SEPTIN2: variants seen among roughly 807,000 people sequenced by gnomAD.
The protein encoded by SEPTIN2 is septin-2.
A neutral mutation model predicts 46.5 loss-of-function variants in SEPTIN2; 34 were observed. The observed-to-expected ratio is 0.73, with a 90% confidence interval of 0.56 to 0.97. The LOEUF (loss-of-function observed/expected upper bound fraction) is 0.97, where lower values mean the gene tolerates loss of function less well. Among genes scored for constraint, SEPTIN2 ranks in the 50% least tolerant of loss-of-function variants. SEPTIN2 has a pLI of 0.00. For missense variants in SEPTIN2, 347 were observed against 448.4 expected (o/e 0.77, Z 2.04); for synonymous variants, 175 against 153.4 (o/e 1.14, Z -1.04).
intron 3 of SEPTIN2, among the ~76,000 whole-genome samples, chr2:241,333,410 A>G (rs1028634695): frequency 2.6e-5 from 4 of 152,230 alleles, no homozygotes; most frequent in African/African-American, 9.6e-5. Flanking sequence ...TTACACTCAT[A>G]TTTAGGCATG....
At chr2:241,350,287 C>T in intron 12 of SEPTIN2, 84 bp downstream of exon 12, 1 of 703,436 alleles carries the variant, frequency 1.4e-6, no homozygotes, top group Non-Finnish European at 2.2e-6. Context: ...CTCCTTAAGC[C>T]TCATTAATAT....
rs2077913173 is a variant in SEPTIN2, at chr2:241,326,075, C to G, written c.92C>G (p.Ser31Ter). The G allele has an allele frequency of 6.2e-7, 1 of 1,613,288 alleles. No homozygotes were observed. The highest frequency in any genetic ancestry group is 8.5e-7 in the Non-Finnish European group (1 of 1,179,720). ...CTCCCCAATCAAGTTCACCGAAAAT[C>G]AGTGAAAAAAGGTTTTGAGTTCACA... Reference protein sequence around the residue: ...ANLPNQVHRKSVKKGFEFTLM... With the variant: ...ANLPNQVHRK Residue 31 changes from serine (S) to a stop codon, truncating the protein, a stop_gained, in exon 3 of 13, where the codon TCA becomes TGA. Transcript: ENST00000391971. LOFTEE classifies it high-confidence loss of function.
chr2:241,318,170 G>A (rs529464175), intron 1 of SEPTIN2: 1 of 151,932 alleles, frequency 6.6e-6, no homozygotes, highest in East Asian at 1.9e-4. Flanking sequence ...ACTTGGTAAA[G>A]TCAAAGCAAA....
intron 1 of SEPTIN2, among the ~76,000 whole-genome samples, chr2:241,319,492 G>A (rs562475951): frequency 3.9e-5 from 6 of 152,332 alleles, no homozygotes; most frequent in African/African-American, 7.2e-5. Context: ...CATTCCTGCC[G>A]AATTATCGGT....
chr2:241,319,225 A>G (rs1224444132), intron 1 of SEPTIN2, among the ~76,000 whole-genome samples: 1 of 152,206 alleles, frequency 6.6e-6, no homozygotes, highest in Non-Finnish European at 1.5e-5. Context: ...GCTATGTGTA[A>G]TGGTTTGTCA....
intron 5 of SEPTIN2, 115 bp downstream of exon 5, chr2:241,336,213 C>T (rs2079954535): frequency 1.9e-6 from 2 of 1,064,212 alleles, no homozygotes; most frequent in African/African-American, 1.6e-5. Context: ...TAATAAAACA[C>T]CTAGACAATT....
At chr2:241,316,876 C>T (rs1208107116) in intron 1 of SEPTIN2, 1 of 220,662 alleles carries the variant, frequency 4.5e-6, no homozygotes, top group East Asian at 9.4e-5. Context: ...CTTACCTAGT[C>T]TGTGCTTGTG....
intron 7 of SEPTIN2, among the ~76,000 whole-genome samples, chr2:241,340,194 C>T (rs777932027): frequency 6.6e-6 from 1 of 152,152 alleles, no homozygotes; most frequent in Non-Finnish European, 1.5e-5. Context: ...AATGTGTTTC[C>T]TGTCTGAGAA....
intron 1 of SEPTIN2, 193 bp downstream of exon 1, chr2:241,316,175 G>C (rs181825569): frequency 3.7e-6 from 1 of 270,610 alleles, no homozygotes; most frequent in Non-Finnish European, 7.0e-6. Flanking sequence ...GTCCCGGGCG[G>C]TCCTAGTGCC....
intron 1 of SEPTIN2, among the ~76,000 whole-genome samples, chr2:241,318,898 A>T (rs1261326445): frequency 6.6e-6 from 1 of 151,948 alleles, no homozygotes; most frequent in East Asian, 1.9e-4. Flanking sequence ...GGGTTTCACC[A>T]TGTTGGCCAG....
In SEPTIN2 at chr2:241,346,217, C is replaced by A; in HGVS notation, c.894C>A (p.Asn298Lys). ...TGACCCAGGACCTTCATTATGAAAA[C>A]TTCCGTTCTGAGAGACTCAAGAGAG... ...QEVTQDLHYE[N>K]FRSERLKRGG... The change falls in exon 10 of 13, where the codon AAC becomes AAA. Residue 298 changes from asparagine to lysine, a missense_variant. Asn to Lys is a moderately conservative substitution (Grantham distance 94, BLOSUM62 0). Coordinates refer to ENST00000391971, the MANE Select transcript of SEPTIN2 (RefSeq NM_004404.5). The A allele has an allele frequency of 6.2e-7, 1 of 1,613,890 alleles. No homozygotes were observed. Among genetic ancestry groups the A allele is most frequent in the Non-Finnish European group, 8.5e-7 (1 of 1,179,898 alleles).
At chr2:241,344,974 T>C (rs940006592) in intron 9 of SEPTIN2, among the ~76,000 whole-genome samples, 5 of 150,690 alleles carry the variant, frequency 3.3e-5, no homozygotes, top group African/African-American at 9.8e-5. Context: ...ATTAGCCGAG[T>C]GTGGTGGTGG....
In SEPTIN2 at chr2:241,346,244, C is replaced by T. The variant is rs751632034; in HGVS notation, c.921C>T (p.Gly307=). ...ENFRSERLKR[G]GRKVENEDMN... is the part of the protein sequence containing the mutation. Reference sequence around the variant, plus strand: ...TCCGTTCTGAGAGACTCAAGAGAGGCGGCAGGTCATCACACTGTGCCCCTT... The same window carrying T: ...TCCGTTCTGAGAGACTCAAGAGAGGTGGCAGGTCATCACACTGTGCCCCTT... Residue 307 remains glycine, a synonymous_variant, in exon 10 of 13, where the codon GGC becomes GGT. Coordinates refer to ENST00000391971, the MANE Select transcript of SEPTIN2 (RefSeq NM_004404.5). The T allele has an allele frequency of 1.2e-5, 19 of 1,613,174 alleles. No homozygotes were observed. Among genetic ancestry groups the T allele is most frequent in the African/African-American group, 4.0e-5 (3 of 74,832 alleles).
rs1265263070 is a variant in SEPTIN2 at position 241,316,620 on chromosome 2, G to T, written c.-18+638G>T. ...GCCGCCGAGTTGGCCCGGGGATGAG[G>T]AGCAAACCTGTGGCTTCCGTGGTCT... On this transcript the variant is annotated intron_variant, in intron 1 of 12. Coordinates refer to ENST00000391971, the MANE Select transcript of SEPTIN2 (RefSeq NM_004404.5). 4 of 1,216,602 alleles carry T rather than the reference G, an allele frequency of 3.3e-6. No individual in the cohort carries two copies. In the African/African-American group the frequency reaches 4.7e-5, roughly 14 times the overall value. 75.4% of individuals were successfully genotyped at this position (1,216,602 alleles called of 1,614,324 possible). A position where few individuals can be genotyped will look rare whatever the true frequency, so the allele number is the denominator to read the frequency against.
intron 3 of SEPTIN2, 36 bp from the exon 4 acceptor site, chr2:241,335,090 A>C: frequency 7.0e-7 from 1 of 1,435,374 alleles, no homozygotes; most frequent in Non-Finnish European, 9.8e-7. Context: ...TGTCATATGA[A>C]TAAGGTCATG....
chr2:241,331,113 A>G (rs899585703), intron 3 of SEPTIN2, among the ~76,000 whole-genome samples: 7 of 152,198 alleles, frequency 4.6e-5, no homozygotes, highest in Admixed American at 4.6e-4. Context: ...TGGGAGGGGG[A>G]GGTTTCAGTG....
In SEPTIN2 at chr2:241,342,373, T is replaced by G. The variant is rs188922156; in HGVS notation, c.595-619T>G. ...GGCAATTACCCTTCTTGAGGCTGAT[T>G]GTGGTGTGATTTCCATTTTAGCTGT... On this transcript the variant is annotated intron_variant, in intron 7 of 12. Coordinates refer to ENST00000391971, the MANE Select transcript of SEPTIN2 (RefSeq NM_004404.5). 6.4e-4 allele frequency among the ~76,000 whole-genome samples: 98 copies of G among 152,040 alleles called. 4 individuals are homozygous for G. The East Asian group carries it at 0.013, about 20-fold the overall frequency.
At position 241,350,087 on chromosome 2, in the gene SEPTIN2, A is replaced by T; in HGVS notation, c.999A>T (p.Gln333His). 1 of 1,614,094 alleles carries T rather than the reference A, an allele frequency of 6.2e-7. No homozygotes were observed. The highest frequency in any genetic ancestry group is 1.3e-5 in the African/African-American group (1 of 75,066). Residue 333 changes from glutamine to histidine, a missense_variant, in exon 12 of 13, where the codon CAA becomes CAT. By Grantham distance (24) the Gln-to-His change is conservative. Coordinates refer to ENST00000391971, the MANE Select transcript of SEPTIN2 (RefSeq NM_004404.5). ...TGTGTTCACAGCTCCGCCGCATGCA[A>T]GAGATGATTGCAAGGATGCAGGCGC... ...LEKEAELRRM[Q>H]EMIARMQAQM...
intron 7 of SEPTIN2, 52 bp downstream of exon 7, chr2:241,337,842 G>T (rs778241799): frequency 7.7e-7 from 1 of 1,295,788 alleles, no homozygotes; most frequent in Non-Finnish European, 1.1e-6. Flanking sequence ...CGGGGGCATG[G>T]GGATGAAGAA....
Sources: allele counts gnomAD v4.1 joint callset (sites outside exome capture counted in the v4.1 genomes callset), GRCh38; gene constraint gnomAD v4.1.1; transcripts MANE v1.5; gene names NCBI Gene and HGNC (gene_info 2026-07-23, HGNC 2026-07-21).